The following GEMIN5 variants were observed in gnomAD, a reference collection of about 807,000 sequenced individuals.
The protein encoded by GEMIN5 is gem nuclear organelle associated protein 5.
Under a neutral mutation model 176.9 loss-of-function variants are expected in GEMIN5, and 124 were observed. That is an observed-to-expected ratio of 0.70 (90% confidence interval 0.61 to 0.81). The LOEUF (loss-of-function observed/expected upper bound fraction) is 0.81, where lower values mean the gene tolerates loss of function less well. Ranked by LOEUF, GEMIN5 falls within the 40% of genes least tolerant of loss-of-function variation. The probability of loss-of-function intolerance (pLI) is 0.00; values close to 1 mark genes in which losing one functional copy is unlikely to be tolerated. For synonymous variants in GEMIN5, 673 were observed against 665.2 expected (o/e 1.01, Z -0.18); for missense variants, 1,843 against 1,814.6 (o/e 1.02, Z -0.28).
At chr5:154,904,399 A>G in intron 18 of GEMIN5, 108 bp downstream of exon 18, 1 of 1,006,174 alleles carries the variant, frequency 9.9e-7, no homozygotes, top group South Asian at 1.4e-5. Flanking sequence ...AAAAATACAG[A>G]AAACAATTTA....
intron 16 of GEMIN5, among the ~76,000 whole-genome samples, chr5:154,905,693 T>C (rs1202920209): frequency 6.6e-6 from 1 of 151,080 alleles, no homozygotes. Context: ...GTAAGTCTAT[T>C]ACTTTGGTTT....
At chr5:154,927,631 T>C (rs943928836) in intron 6 of GEMIN5, 81 bp from the exon 7 acceptor site, 40 of 1,023,470 alleles carry the variant, frequency 3.9e-5, no homozygotes, top group African/African-American at 1.1e-4. Context: ...TCTGGGCTCA[T>C]AGCTGCAAAA....
chr5:154,920,053 C>T lies in GEMIN5; in HGVS notation c.1513G>A (p.Gly505Arg), dbSNP rs753327312. 6.2e-7 allele frequency: 1 copy of T among 1,613,136 alleles called. No individual in the cohort carries two copies. Among genetic ancestry groups the T allele is most frequent in the Non-Finnish European group, 8.5e-7 (1 of 1,179,148 alleles). The stretch of plus-strand genomic sequence containing the variant: ...CAGGGATTATGCTGTAAGACAATCC[C>T]TTCTCCTCCACAGCTGTATAAAGCA... ...SLALYSCGGE[G>R]IVLQHNPWKL... is the part of the protein sequence containing the mutation. The change falls in exon 11 of 28, where the codon GGG becomes AGG. Residue 505 changes from glycine (G) to arginine (R), a missense_variant. By Grantham distance (125) the Gly-to-Arg change is moderately radical. Coordinates refer to ENST00000285873, the MANE Select transcript of GEMIN5 (RefSeq NM_015465.5).
intron 2 of GEMIN5, 118 bp downstream of exon 2, chr5:154,936,907 T>C: frequency 1.3e-6 from 1 of 754,248 alleles, no homozygotes; most frequent in Admixed American, 2.6e-5. Context: ...TCTTATCTAA[T>C]TAATGAACAC....
chr5:154,899,931 T>TAA (rs568554047), intron 21 of GEMIN5, among the ~76,000 whole-genome samples: 7 of 142,092 alleles, frequency 4.9e-5, no homozygotes, highest in South Asian at 2.2e-4. Context: ...TTCTTTCTTC[T>TAA]AAAAAAAAAA....
chr5:154,913,079 T>A (rs761261163), intron 13 of GEMIN5, 41 bp from the exon 14 acceptor site: 1 of 1,538,950 alleles, frequency 6.5e-7, no homozygotes, highest in Non-Finnish European at 8.8e-7. Flanking sequence ...CTACTACTAA[T>A]AACAAAAAAC....
In GEMIN5 at chr5:154,898,623, A is replaced by G. The variant is rs1478212395; in HGVS notation, c.3162T>C (p.Asp1054=). ...CCTTTTTGGCCAAAACTTTGGCTGCATCATAAGCACAAGTGGCCCCTAAAT... is the reference window on the plus strand; with the variant it reads ...CCTTTTTGGCCAAAACTTTGGCTGCGTCATAAGCACAAGTGGCCCCTAAAT... The part of the protein sequence containing the change: ...KCYLGATCAY[D]AAKVLAKKGD... Residue 1054 remains aspartate (D), a synonymous_variant, in exon 23 of 28, where the codon GAT becomes GAC. Transcript: ENST00000285873. 6.2e-7 allele frequency: 1 copy of G among 1,613,934 alleles called. No homozygotes were observed. The highest frequency in any genetic ancestry group is 2.2e-5 in the East Asian group (1 of 44,890).
chr5:154,904,732 A>G (rs1481380567), intron 17 of GEMIN5, 103 bp from the exon 18 acceptor site: 1 of 788,072 alleles, frequency 1.3e-6, no homozygotes, highest in Non-Finnish European at 2.1e-6. Flanking sequence ...ACGACACCAC[A>G]GGCAGAGAAA....
At position 154,934,796 on chromosome 5, in the gene GEMIN5, A is replaced by G. The variant is rs572054466; in HGVS notation, c.509+1045T>C. 3.3e-5 allele frequency among the ~76,000 whole-genome samples: 5 copies of G among 152,324 alleles called. 1 individual carries two copies. In the East Asian group the frequency reaches 7.7e-4, roughly 24 times the overall value. On this transcript the variant is annotated intron_variant, in intron 3 of 27. Transcript: ENST00000285873. ...CCACTCAACAGTGAACACTGGGCCTATAATTTTCCTTAGTACATTCGTTTT... is the reference window on the plus strand; with the variant it reads ...CCACTCAACAGTGAACACTGGGCCTGTAATTTTCCTTAGTACATTCGTTTT...
Position 154,932,090 on chromosome 5 carries a change from C to T in GEMIN5, c.661+9G>A. On this transcript the variant is annotated intron_variant, in intron 4 of 27. Transcript: ENST00000285873. ...AAGTGGACTTAACTTTCCCTTAAAC[C>T]ATCTCTACCTGAAGTTTCCTCTTGG... is the stretch of plus-strand genomic sequence containing the variant. The T allele has an allele frequency of 6.2e-7, 1 of 1,604,146 alleles. No individual in the cohort carries two copies.
Position 154,896,331 on chromosome 5 carries a change from C to G in GEMIN5, c.3358G>C (p.Val1120Leu). The G allele has an allele frequency of 6.3e-7, 1 of 1,584,326 alleles. No individual in the cohort carries two copies. Among genetic ancestry groups the G allele is most frequent in the Non-Finnish European group, 8.6e-7 (1 of 1,167,132 alleles). The change falls in exon 24 of 28, where the codon GTG becomes CTG. Residue 1120 changes from valine (V) to leucine (L), a missense_variant. By Grantham distance (32) the Val-to-Leu change is conservative (BLOSUM62 1). Coordinates refer to ENST00000285873, the MANE Select transcript of GEMIN5 (RefSeq NM_015465.5). ...LHESLQGQRLVFCLLELLSRH... is the reference protein window; with the variant it reads ...LHESLQGQRLLFCLLELLSRH... Reference sequence around the variant, plus strand: ...GACAGTAGCTCCAGAAGGCAAAACACCAATCTCTGACCCTGGAACACGACA... The same window carrying G: ...GACAGTAGCTCCAGAAGGCAAAACAGCAATCTCTGACCCTGGAACACGACA...
intron 24 of GEMIN5, 116 bp from the exon 25 acceptor site, chr5:154,892,665 G>GA: frequency 9.8e-7 from 1 of 1,015,762 alleles, no homozygotes; most frequent in Non-Finnish European, 1.4e-6. Context: ...TTCACACTTT[G>GA]AAAGTTCCTC....
At chr5:154,935,607 G>C (rs984241691) in intron 3 of GEMIN5, among the ~76,000 whole-genome samples, 18 of 152,178 alleles carry the variant, frequency 1.2e-4, no homozygotes, top group African/African-American at 4.1e-4. Context: ...TTGATTGGAG[G>C]AGTTAGATCC....
intron 18 of GEMIN5, among the ~76,000 whole-genome samples, chr5:154,903,539 G>A (rs1763508123): frequency 6.6e-6 from 1 of 152,078 alleles, no homozygotes; most frequent in South Asian, 2.1e-4. Context: ...GTGAAACTAG[G>A]TTAACTATGT....
At chr5:154,919,661 C>A (rs1561722933) in intron 11 of GEMIN5, among the ~76,000 whole-genome samples, 1 of 152,170 alleles carries the variant, frequency 6.6e-6, no homozygotes, top group Non-Finnish European at 1.5e-5. Context: ...ATACATAACA[C>A]CTGAAAGTTT....
chr5:154,918,405 T>C (rs1354572430), intron 11 of GEMIN5, among the ~76,000 whole-genome samples: 2 of 152,184 alleles, frequency 1.3e-5, no homozygotes, highest in African/African-American at 4.8e-5. Flanking sequence ...CTCCCATATC[T>C]ATATGCTGGT....
intron 13 of GEMIN5, among the ~76,000 whole-genome samples, chr5:154,915,300 TGTAAC>T (rs1028435456): frequency 2.6e-4 from 40 of 152,310 alleles, no homozygotes; most frequent in African/African-American, 9.6e-4. Context: ...AAATGAAAAA[TGTAAC>T]TATTTTCACT....
intron 24 of GEMIN5, among the ~76,000 whole-genome samples, chr5:154,893,905 G>A (rs901862267): frequency 1.1e-4 from 16 of 151,964 alleles, no homozygotes; most frequent in Admixed American, 2.0e-4. Context: ...CACCACGCGC[G>A]GCTAACACCG....
intron 9 of GEMIN5, among the ~76,000 whole-genome samples, chr5:154,924,261 T>C (rs898689706): frequency 3.3e-5 from 5 of 152,114 alleles, no homozygotes; most frequent in East Asian, 1.9e-4. Flanking sequence ...ATACGAAACA[T>C]AGGGAACAGG....
Sources: allele counts gnomAD v4.1 joint callset (sites outside exome capture counted in the v4.1 genomes callset), GRCh38; gene constraint gnomAD v4.1.1; transcripts MANE v1.5; gene names NCBI Gene and HGNC (gene_info 2026-07-23, HGNC 2026-07-21).